HTR1F: variants seen among roughly 807,000 people sequenced by gnomAD.
HTR1F encodes the protein 5-hydroxytryptamine receptor 1F, also known as 5-hydroxytryptamine (serotonin) receptor 1F, G protein-coupled.
Under a neutral mutation model 24.0 loss-of-function variants are expected in HTR1F, and 17 were observed. The ratio of observed to expected loss-of-function variants is 0.71; its 90% CI spans 0.48 to 1.06. The LOEUF is 1.06. Ranked by LOEUF, HTR1F falls within the 50% of genes least tolerant of loss-of-function variation. The pLI is 0.00. For synonymous variants in HTR1F, 186 were observed against 156.8 expected, an observed-to-expected ratio of 1.19 and a Z score of -1.39; for missense variants, 391 against 427.8, an observed-to-expected ratio of 0.91 and a Z score of 0.76.
chr3:87,931,740 C>A (rs1254961277), intron 2 of HTR1F, among the ~76,000 whole-genome samples: 2 of 151,786 alleles, frequency 1.3e-5, no homozygotes, highest in African/African-American at 2.4e-5. Context: ...GATTGGCATT[C>A]TAACTGGTGT....
At chr3:87,968,131 A>G (rs768255560) in intron 2 of HTR1F, among the ~76,000 whole-genome samples, 4 of 152,224 alleles carry the variant, frequency 2.6e-5, no homozygotes, top group Non-Finnish European at 5.9e-5. Flanking sequence ...TTTAACAAAG[A>G]GACTGGTGAC....
chr3:87,949,410 TAGAAG>T (rs995265807), intron 2 of HTR1F, among the ~76,000 whole-genome samples: 6 of 152,124 alleles, frequency 3.9e-5, no homozygotes, highest in African/African-American at 1.5e-4. Context: ...ACTCAGTCCT[TAGAAG>T]AGGACTCCTT....
At chr3:87,959,764 T>C (rs1447274833) in intron 2 of HTR1F, among the ~76,000 whole-genome samples, 2 of 114,084 alleles carry the variant, frequency 1.8e-5, no homozygotes, top group Non-Finnish European at 1.7e-5. Flanking sequence ...GAGACCACCA[T>C]GGGTTTTTTT....
intron 2 of HTR1F, among the ~76,000 whole-genome samples, chr3:87,918,178 T>A (rs897345531): frequency 1.2e-4 from 18 of 152,050 alleles, no homozygotes; most frequent in African/African-American, 3.9e-4. Context: ...CATCCCTTTA[T>A]GATTAAAACT....
chr3:87,979,814 G>T (rs1417551663), intron 2 of HTR1F, among the ~76,000 whole-genome samples: 1 of 152,228 alleles, frequency 6.6e-6, no homozygotes, highest in Non-Finnish European at 1.5e-5. Flanking sequence ...TGCTGTGGCA[G>T]GTCAGGCAGC....
At chr3:87,841,900 C>CAAAAAA (rs1463648976) in intron 2 of HTR1F, among the ~76,000 whole-genome samples, 9 of 57,274 alleles carry the variant, frequency 1.6e-4, no homozygotes, top group South Asian at 1.7e-3. Flanking sequence ...GATTCTGTCT[C>CAAAAAA]AAAAAAAAAA....
intron 2 of HTR1F, among the ~76,000 whole-genome samples, chr3:87,943,335 T>C (rs567390654): frequency 2.0e-5 from 3 of 152,320 alleles, no homozygotes; most frequent in Non-Finnish European, 4.4e-5. Flanking sequence ...GATCAAAGGA[T>C]TGTCCTAACC....
In HTR1F at chr3:87,944,440, AAG is replaced by A. The variant is rs536552933; in HGVS notation, c.-42-46265_-42-46264del. Among the ~76,000 whole-genome samples the A allele has an allele frequency of 4.2e-3, 637 of 152,294 alleles. 8 individuals are homozygous for A. Among genetic ancestry groups the A allele is most frequent in the East Asian group, 7.2e-3 (37 of 5,172 alleles). On this transcript the variant is annotated intron_variant, in intron 2 of 2. Coordinates refer to ENST00000319595, the MANE Select transcript of HTR1F (RefSeq NM_001322209.2). ...GCAATTTTTCTAACTCTGCTTCCAC[AAG>A]AGTCTCCTATCAATTACTGAATACC...
chr3:87,815,592 C>T (rs1275625843), intron 1 of HTR1F, among the ~76,000 whole-genome samples: 2 of 152,020 alleles, frequency 1.3e-5, no homozygotes, highest in African/African-American at 2.4e-5. Flanking sequence ...GACCAGTTTA[C>T]CTTGATGATC....
At chr3:87,909,707 G>C (rs2919268) in intron 2 of HTR1F, among the ~76,000 whole-genome samples, 13,601 of 151,982 alleles carry the variant, frequency 0.089, 1,905 homozygotes, top group African/African-American at 0.3. Context: ...TGAAACCTAG[G>C]TCTAAACAGA....
At chr3:87,797,220 A>T (rs1043281674) in intron 1 of HTR1F, among the ~76,000 whole-genome samples, 3 of 152,212 alleles carry the variant, frequency 2.0e-5, no homozygotes, top group African/African-American at 4.8e-5. Flanking sequence ...GGAAAAACAT[A>T]GTGTGTATAC....
chr3:87,842,782 T>G (rs1377005172), intron 2 of HTR1F, among the ~76,000 whole-genome samples: 2 of 151,948 alleles, frequency 1.3e-5, no homozygotes, highest in Admixed American at 6.6e-5. Flanking sequence ...AAAACAACCT[T>G]TTGGCACTTC....
intron 2 of HTR1F, among the ~76,000 whole-genome samples, chr3:87,872,811 C>A (rs1325454708): frequency 6.6e-6 from 1 of 151,956 alleles, no homozygotes; most frequent in Non-Finnish European, 1.5e-5. Context: ...AACCTCCCAA[C>A]AAAGAAAAGC....
intron 2 of HTR1F, among the ~76,000 whole-genome samples, chr3:87,943,137 G>A (rs1434290797): frequency 6.6e-6 from 1 of 152,178 alleles, no homozygotes; most frequent in African/African-American, 2.4e-5. Flanking sequence ...GTCTCAGTGA[G>A]GGTCTACACT....
At chr3:87,821,883 A>G (rs550681776) in intron 1 of HTR1F, among the ~76,000 whole-genome samples, 125 bp from the exon 2 acceptor site, 1 of 152,168 alleles carries the variant, frequency 6.6e-6, no homozygotes, top group Non-Finnish European at 1.5e-5. Flanking sequence ...AAAAGTGGTT[A>G]GTGGTCAGAG....
intron 2 of HTR1F, among the ~76,000 whole-genome samples, chr3:87,911,636 T>G (rs1703780588): frequency 6.6e-6 from 1 of 152,054 alleles, no homozygotes; most frequent in Admixed American, 6.6e-5. Context: ...AAAGGCATTA[T>G]CCTTGATGAA....
intron 1 of HTR1F, among the ~76,000 whole-genome samples, chr3:87,801,541 C>T (rs1280768509): frequency 4.6e-5 from 7 of 152,130 alleles, no homozygotes; most frequent in Non-Finnish European, 8.8e-5. Context: ...GTAAGAAGTA[C>T]GTTGATCTGG....
intron 1 of HTR1F, among the ~76,000 whole-genome samples, chr3:87,820,301 C>G (rs1704332292): frequency 6.7e-6 from 1 of 150,296 alleles, no homozygotes; most frequent in South Asian, 2.1e-4. Context: ...CTCAGCCTCC[C>G]AAGTAGCTGG....
chr3:87,878,463 C>T (rs1242180943), intron 2 of HTR1F, among the ~76,000 whole-genome samples: 1 of 152,154 alleles, frequency 6.6e-6, no homozygotes, highest in East Asian at 1.9e-4. Context: ...AAGAGAATTT[C>T]TGCCTATCTT....
Sources: allele counts gnomAD v4.1 joint callset (sites outside exome capture counted in the v4.1 genomes callset), GRCh38; gene constraint gnomAD v4.1.1; transcripts MANE v1.5; gene names NCBI Gene and HGNC (gene_info 2026-07-23, HGNC 2026-07-21).